The following LRPPRC variants were observed in gnomAD, a reference collection of about 807,000 sequenced individuals.
The protein encoded by LRPPRC is leucine-rich PPR motif-containing protein, mitochondrial.
LRPPRC carries 120 observed loss-of-function variants against 180.3 expected under a neutral mutation model. The observed-to-expected ratio is 0.67, with a 90% confidence interval of 0.57 to 0.77. LRPPRC has a LOEUF of 0.77. Ranked by LOEUF, LRPPRC falls within the 30% of genes least tolerant of loss-of-function variation. The pLI is 0.00. For synonymous variants in LRPPRC, 723 were observed against 600.0 expected (o/e 1.21, Z -3.00); for missense variants, 2,012 against 1,657.2 (o/e 1.21, Z -3.72).
chr2:43,950,756 C>T (rs2103625152), intron 14 of LRPPRC, among the ~76,000 whole-genome samples, 156 bp from the exon 15 acceptor site: 1 of 152,124 alleles, frequency 6.6e-6, no homozygotes, highest in South Asian at 2.1e-4. Flanking sequence ...TTTAGAAAGG[C>T]TGACACTCAC....
chr2:43,894,941 A>C (rs1314331550), intron 35 of LRPPRC, among the ~76,000 whole-genome samples: 1 of 152,226 alleles, frequency 6.6e-6, no homozygotes, highest in Non-Finnish European at 1.5e-5. Flanking sequence ...TGAGATCCCA[A>C]GGGTAGAGAG....
At chr2:43,920,945 C>T (rs1671678357) in intron 27 of LRPPRC, among the ~76,000 whole-genome samples, 1 of 152,134 alleles carries the variant, frequency 6.6e-6, no homozygotes, top group South Asian at 2.1e-4. Flanking sequence ...ACAAATTATA[C>T]AAAAAGCTTC....
chr2:43,996,121 G>T, upstream of LRPPRC: 1 of 567,306 alleles, frequency 1.8e-6, no homozygotes, highest in East Asian at 3.3e-5. Context: ...GAGGACAGAA[G>T]ACCCAATGTA....
At chr2:43,951,399 G>C (rs1558998068) in intron 14 of LRPPRC, among the ~76,000 whole-genome samples, 1 of 152,200 alleles carries the variant, frequency 6.6e-6, no homozygotes, top group African/African-American at 2.4e-5. Flanking sequence ...GAGTTTGCAA[G>C]AAAGTGAGGG....
intron 1 of LRPPRC, among the ~76,000 whole-genome samples, chr2:43,988,641 G>T (rs1375854637): frequency 3.3e-5 from 5 of 151,998 alleles, no homozygotes; most frequent in African/African-American, 1.2e-4. Context: ...TTTTTGAGAT[G>T]GAGTCTCGCT....
In LRPPRC at chr2:43,974,771, C is replaced by G; in HGVS notation, c.865-13G>C. The G allele has an allele frequency of 1.2e-6, 2 of 1,611,560 alleles. No homozygotes were observed. The highest frequency in any genetic ancestry group is 1.7e-6 in the Non-Finnish European group (2 of 1,178,098). On this transcript the variant is annotated splice_polypyrimidine_tract_variant and intron_variant, in intron 7 of 37. Transcript: ENST00000260665. ...CCTTCTCCAGAGTCTATAGAGAGTTCCAGAAATTAGAAGACAAAGTTAGAG... is the reference window on the plus strand; with the variant it reads ...CCTTCTCCAGAGTCTATAGAGAGTTGCAGAAATTAGAAGACAAAGTTAGAG...
intron 1 of LRPPRC, among the ~76,000 whole-genome samples, chr2:43,985,119 C>T (rs146296029): frequency 6.6e-6 from 1 of 150,992 alleles, no homozygotes; most frequent in African/African-American, 2.4e-5. Flanking sequence ...ATGGGACCCT[C>T]CCCACTACTT....
chr2:43,897,994 T>C (rs1334816742), intron 34 of LRPPRC, among the ~76,000 whole-genome samples: 1 of 150,082 alleles, frequency 6.7e-6, no homozygotes, highest in African/African-American at 2.5e-5. Flanking sequence ...CTTTTTTTTT[T>C]CACCACGTAA....
At chr2:43,947,409 A>G (rs766465947) in intron 19 of LRPPRC, 39 bp from the exon 20 acceptor site, 1 of 1,017,260 alleles carries the variant, frequency 9.8e-7, no homozygotes, top group South Asian at 1.3e-5. Context: ...TTTCCTGAAA[A>G]AGGAAATATA....
At chr2:43,908,353 G>C (rs539633403) in intron 30 of LRPPRC, among the ~76,000 whole-genome samples, 17 of 152,164 alleles carry the variant, frequency 1.1e-4, no homozygotes, top group African/African-American at 4.1e-4. Context: ...AAGAAAGATG[G>C]CTTATTGAAC....
chr2:43,922,182 T>C (rs1408335768), intron 27 of LRPPRC, among the ~76,000 whole-genome samples: 2 of 152,192 alleles, frequency 1.3e-5, no homozygotes, highest in Admixed American at 1.3e-4. Flanking sequence ...GGACAAAATT[T>C]TGTAACAGAT....
intron 11 of LRPPRC, among the ~76,000 whole-genome samples, chr2:43,964,002 A>G (rs1256109436): frequency 6.6e-6 from 1 of 152,246 alleles, no homozygotes; most frequent in Non-Finnish European, 1.5e-5. Context: ...CACCCCAAAC[A>G]GTGATTATAA....
chr2:43,890,984 A>T (rs999046794), intron 36 of LRPPRC, among the ~76,000 whole-genome samples: 7 of 152,184 alleles, frequency 4.6e-5, no homozygotes, highest in African/African-American at 1.7e-4. Context: ...TGTCAACCGC[A>T]ACTCCGGCAG....
intron 26 of LRPPRC, among the ~76,000 whole-genome samples, chr2:43,925,654 A>G (rs1671850056): frequency 6.6e-6 from 1 of 152,238 alleles, no homozygotes; most frequent in Non-Finnish European, 1.5e-5. Context: ...ACATTAGGTC[A>G]GCCTGCTCCA....
At position 43,925,084 on chromosome 2, in the gene LRPPRC, T is replaced by A; in HGVS notation, c.2879A>T (p.Asn960Ile). ...FECDRDQMYYNLLKLYKINGD... is the reference protein window; with the variant it reads ...FECDRDQMYYILLKLYKINGD... ...TCACTTACTATACAGTTTTAGCAGA[T>A]TGTAGTACATCTGGTCTCTATCACA... Residue 960 changes from asparagine (N) to isoleucine (I), a missense_variant, in exon 27 of 38, where the codon AAT becomes ATT. Asn to Ile is a moderately radical substitution (Grantham distance 149). Transcript: ENST00000260665. 1 of 1,574,328 alleles carries A rather than the reference T, an allele frequency of 6.4e-7. No homozygotes were observed. The highest frequency in any genetic ancestry group is 2.2e-5 in the East Asian group (1 of 44,662).
At chr2:43,987,206 G>C (rs769599183) in intron 1 of LRPPRC, among the ~76,000 whole-genome samples, 22 of 152,100 alleles carry the variant, frequency 1.4e-4, no homozygotes, top group Non-Finnish European at 2.8e-4. Context: ...AAAAATGTTT[G>C]GTAATGAGCC....
chr2:43,911,692 A>T (rs1671267305), intron 30 of LRPPRC, among the ~76,000 whole-genome samples: 2 of 151,840 alleles, frequency 1.3e-5, no homozygotes, highest in Non-Finnish European at 2.9e-5. Flanking sequence ...ACGCCCAGCT[A>T]ATGTTTGTAT....
rs1673954915 is a variant in LRPPRC at position 43,974,333 on chromosome 2, GAAC to G, written c.1010-41_1010-39del. The stretch of plus-strand genomic sequence containing the variant: ...CAAAGACATCTTTTGTTAATAAACT[GAAC>G]AATATTTTTACACTGCAACCAATGT... On this transcript the variant is annotated intron_variant, in intron 8 of 37. Coordinates refer to ENST00000260665, the MANE Select transcript of LRPPRC (RefSeq NM_133259.4). The G allele has an allele frequency of 3.3e-6, 5 of 1,500,526 alleles. No individual in the cohort carries two copies. In the East Asian group the frequency reaches 1.1e-4, roughly 34 times the overall value. The allele number at this position is 1,500,526 out of a possible 1,614,324, so 93.0% of individuals were successfully genotyped here.
intron 14 of LRPPRC, among the ~76,000 whole-genome samples, chr2:43,951,947 G>A (rs751240172): frequency 9.2e-5 from 14 of 152,212 alleles, no homozygotes; most frequent in South Asian, 4.2e-4. Context: ...TAATCACAGC[G>A]CTTTGGGAGG....
Sources: allele counts gnomAD v4.1 joint callset (sites outside exome capture counted in the v4.1 genomes callset), GRCh38; gene constraint gnomAD v4.1.1; transcripts MANE v1.5; gene names NCBI Gene and HGNC (gene_info 2026-07-23, HGNC 2026-07-21).